The following HLF variants were observed in gnomAD, a reference collection of about 807,000 sequenced individuals.
HLF encodes hepatic leukemia factor.
HLF carries 3 observed loss-of-function variants against 22.6 expected under a neutral mutation model. The ratio of observed to expected loss-of-function variants is 0.13; its 90% CI spans 0.06 to 0.34. The LOEUF is 0.34. Among genes scored for constraint, HLF ranks in the 10% least tolerant of loss-of-function variants. The pLI is 1.00. For missense variants in HLF, 299 were observed against 389.2 expected (o/e 0.77, Z 1.95); for synonymous variants, 151 against 151.8 (o/e 0.99, Z 0.04).
At chr17:55,306,527 G>A (rs1033337897) in intron 2 of HLF, among the ~76,000 whole-genome samples, 14 of 127,212 alleles carry the variant, frequency 1.1e-4, no homozygotes, top group African/African-American at 3.9e-4. Flanking sequence ...TCTGAATGAG[G>A]CAAAAAGGAA....
At chr17:55,305,484 G>A (rs1904503715) in intron 2 of HLF, among the ~76,000 whole-genome samples, 1 of 152,188 alleles carries the variant, frequency 6.6e-6, no homozygotes, top group Non-Finnish European at 1.5e-5. Context: ...TAGAGTGGAG[G>A]GGAACTGCAG....
intron 3 of HLF, among the ~76,000 whole-genome samples, chr17:55,317,262 C>T (rs562604826): frequency 6.6e-5 from 10 of 152,094 alleles, no homozygotes; most frequent in East Asian, 3.9e-4. Context: ...CCACCGCGCC[C>T]GGCCTTTTTT....
chr17:55,292,928 G>T (rs1264099603), intron 2 of HLF, among the ~76,000 whole-genome samples: 2 of 152,146 alleles, frequency 1.3e-5, no homozygotes, highest in Non-Finnish European at 2.9e-5. Context: ...TTCAAATTGG[G>T]AGCTAAAAAG....
intron 2 of HLF, among the ~76,000 whole-genome samples, chr17:55,307,995 C>A (rs1664503049): frequency 6.6e-6 from 1 of 152,108 alleles, no homozygotes; most frequent in Non-Finnish European, 1.5e-5. Context: ...AGAGAGGAAA[C>A]TAAATACAAA....
At chr17:55,308,953 G>A (rs1421511729) in intron 2 of HLF, among the ~76,000 whole-genome samples, 2 of 152,226 alleles carry the variant, frequency 1.3e-5, no homozygotes, top group Non-Finnish European at 2.9e-5. Flanking sequence ...GACTGGGCAT[G>A]TTTATGGTAA....
At chr17:55,300,673 C>A (rs1211942571) in intron 2 of HLF, among the ~76,000 whole-genome samples, 2 of 152,174 alleles carry the variant, frequency 1.3e-5, no homozygotes, top group Non-Finnish European at 2.9e-5. Context: ...GTTCAGTTGG[C>A]AACAATTCAT....
chr17:55,284,901 C>T (rs1053664531), intron 2 of HLF, among the ~76,000 whole-genome samples: 6 of 152,160 alleles, frequency 3.9e-5, no homozygotes, highest in Non-Finnish European at 7.3e-5. Context: ...CCCCTTTCTT[C>T]CTCAACCTAG....
chr17:55,291,799 C>T (rs116535368), intron 2 of HLF, among the ~76,000 whole-genome samples: 1,804 of 152,260 alleles, frequency 0.012, 37 homozygotes, highest in African/African-American at 0.041. Flanking sequence ...CTCTAGAAGC[C>T]GTTAAAAACA....
At chr17:55,274,232 A>G (rs1451127601) in intron 2 of HLF, among the ~76,000 whole-genome samples, 2 of 152,178 alleles carry the variant, frequency 1.3e-5, no homozygotes, top group Non-Finnish European at 2.9e-5. Context: ...AGCACTAATC[A>G]CTTTTACCCA....
At chr17:55,283,135 A>G (rs2080969053) in intron 2 of HLF, among the ~76,000 whole-genome samples, 1 of 152,066 alleles carries the variant, frequency 6.6e-6, no homozygotes, top group East Asian at 1.9e-4. Flanking sequence ...AGAAAAAAAA[A>G]AGGAAAGCCC....
chr17:55,276,627 G>A (rs552338395), intron 2 of HLF, among the ~76,000 whole-genome samples: 1 of 152,310 alleles, frequency 6.6e-6, no homozygotes, highest in Admixed American at 6.5e-5. Context: ...GGTGTTTTAG[G>A]CAACAGGGTG....
intron 1 of HLF, among the ~76,000 whole-genome samples, chr17:55,267,328 T>A (rs986216301): frequency 6.6e-6 from 1 of 152,234 alleles, no homozygotes; most frequent in African/African-American, 2.4e-5. Flanking sequence ...AATGACCTCC[T>A]ATTGCTGCTG....
At chr17:55,275,103 G>T (rs564537566) in intron 2 of HLF, among the ~76,000 whole-genome samples, 1 of 152,062 alleles carries the variant, frequency 6.6e-6, no homozygotes, top group Non-Finnish European at 1.5e-5. Flanking sequence ...TTTTTTGTTT[G>T]TTTGTTTTTT....
Position 55,294,160 on chromosome 17 carries a change from G to T in HLF, c.452-21067G>T, listed in dbSNP as rs140686354. Among the ~76,000 whole-genome samples, 12 of 152,220 alleles carry T rather than the reference G, an allele frequency of 7.9e-5. No homozygotes were observed. In the East Asian group the frequency reaches 2.3e-3, roughly 29 times the overall value. On this transcript the variant is annotated intron_variant, in intron 2 of 3. Coordinates refer to ENST00000226067, the MANE Select transcript of HLF (RefSeq NM_002126.5). The stretch of plus-strand genomic sequence containing the variant: ...GGAAACAGTGTGGCTGTGTCCCTGA[G>T]GGTGCTGGTGCTAAACCCACGGCAC...
At chr17:55,313,339 G>A (rs149981221) in intron 2 of HLF, among the ~76,000 whole-genome samples, 1 of 147,968 alleles carries the variant, frequency 6.8e-6, no homozygotes, top group African/African-American at 2.5e-5. Flanking sequence ...CATGTGGTAT[G>A]GTAGAGGAGG....
intron 2 of HLF, among the ~76,000 whole-genome samples, chr17:55,299,592 C>T (rs2081139009): frequency 6.6e-6 from 1 of 152,136 alleles, no homozygotes; most frequent in Non-Finnish European, 1.5e-5. Context: ...ACAAAGCAGG[C>T]ACCTAACATC....
intron 2 of HLF, among the ~76,000 whole-genome samples, chr17:55,276,260 G>A (rs2080903647): frequency 6.6e-6 from 1 of 152,196 alleles, no homozygotes; most frequent in African/African-American, 2.4e-5. Flanking sequence ...CAATTTGGCT[G>A]CTAGTTTCAA....
intron 1 of HLF, 120 bp from the exon 2 acceptor site, chr17:55,267,631 A>T (rs2080805735): frequency 4.5e-6 from 3 of 670,062 alleles, no homozygotes; most frequent in Non-Finnish European, 7.4e-6. Flanking sequence ...CAGCAGCCAG[A>T]GAAGGACCCT....
chr17:55,286,488 C>T (rs1043338641), intron 2 of HLF, among the ~76,000 whole-genome samples: 6 of 152,124 alleles, frequency 3.9e-5, no homozygotes, highest in African/African-American at 1.4e-4. Flanking sequence ...CTCAGCTCCT[C>T]TATTGTCTGT....
Sources: allele counts gnomAD v4.1 joint callset (sites outside exome capture counted in the v4.1 genomes callset), GRCh38; gene constraint gnomAD v4.1.1; transcripts MANE v1.5; gene names NCBI Gene and HGNC (gene_info 2026-07-23, HGNC 2026-07-21).